Variants in ARHGAP31 observed in about 807,000 individuals in gnomAD.
ARHGAP31 encodes rho GTPase-activating protein 31.
ARHGAP31 carries 34 observed loss-of-function variants against 113.9 expected under a neutral mutation model. The ratio of observed to expected loss-of-function variants is 0.30; its 90% confidence interval spans 0.23 to 0.40. ARHGAP31 has a LOEUF of 0.40. Among genes scored for constraint, ARHGAP31 ranks in the 10% least tolerant of loss-of-function variants. The probability of loss-of-function intolerance (pLI) is 1.00; values close to 1 mark genes in which losing one functional copy is unlikely to be tolerated. For missense variants in ARHGAP31, 1,548 were observed against 1,767.1 expected (o/e 0.88, Z 2.22); for synonymous variants, 650 against 684.8 (o/e 0.95, Z 0.79).
intron 2 of ARHGAP31, among the ~76,000 whole-genome samples, chr3:119,365,622 A>G (rs2080247045): frequency 6.6e-6 from 1 of 152,256 alleles, no homozygotes; most frequent in Non-Finnish European, 1.5e-5. Context: ...ATTCTTTCCA[A>G]CAAAAGCTCC....
At chr3:119,304,622 G>A (rs999425751) in intron 1 of ARHGAP31, among the ~76,000 whole-genome samples, 20 of 152,166 alleles carry the variant, frequency 1.3e-4, no homozygotes, top group African/African-American at 4.3e-4. Flanking sequence ...GCTGCAGGGG[G>A]AGTGAACCTA....
intron 1 of ARHGAP31, among the ~76,000 whole-genome samples, chr3:119,361,002 GCTTT>G: frequency 6.6e-6 from 1 of 152,246 alleles, no homozygotes; most frequent in East Asian, 1.9e-4. Flanking sequence ...GACAATAGAA[GCTTT>G]CTTTCTGTCT....
chr3:119,302,727 A>T (rs2079595287), intron 1 of ARHGAP31, among the ~76,000 whole-genome samples: 1 of 152,202 alleles, frequency 6.6e-6, no homozygotes, highest in Non-Finnish European at 1.5e-5. Context: ...GATCTGTATG[A>T]CTCCTAAGGC....
At chr3:119,410,765 A>T (rs1250270922) in intron 11 of ARHGAP31, among the ~76,000 whole-genome samples, 1 of 152,248 alleles carries the variant, frequency 6.6e-6, no homozygotes, top group Non-Finnish European at 1.5e-5. Flanking sequence ...TTTAACATGA[A>T]CTTTGTGCCA....
chr3:119,307,940 C>CAAAAAAAAAAAAAAAAAA lies in ARHGAP31; in HGVS notation c.100+12939_100+12956dup, dbSNP rs71156742. Among the ~76,000 whole-genome samples the CAAAAAAAAAAAAAAAAAA allele has an allele frequency of 7.0e-4, 32 of 45,462 alleles. 10 individuals carry two copies. The highest frequency in any genetic ancestry group is 9.1e-4 in the African/African-American group (11 of 12,128). The allele number at this position is 45,462 out of a possible 152,430, so 29.8% of individuals were successfully genotyped here. ...AGTGAATCCAAGTATGAATTAACAG[C>CAAAAAAAAAAAAAAAAAA]AAAAAAAAAAAAAAAAAAAAGCTCA... On this transcript the variant is annotated intron_variant, in intron 1 of 11. Coordinates refer to ENST00000264245, the MANE Select transcript of ARHGAP31 (RefSeq NM_020754.4).
chr3:119,325,666 A>C (rs2079834855), intron 1 of ARHGAP31, among the ~76,000 whole-genome samples: 2 of 86,864 alleles, frequency 2.3e-5, no homozygotes, highest in African/African-American at 4.6e-5. Context: ...GTTGGGGGGG[A>C]AGGGGGGGAC....
chr3:119,337,400 T>C (rs2107610750), intron 1 of ARHGAP31, among the ~76,000 whole-genome samples: 1 of 152,248 alleles, frequency 6.6e-6, no homozygotes, highest in South Asian at 2.1e-4. Context: ...CTGCAGACCT[T>C]TGTGGTGAGT....
chr3:119,410,365 A>G (rs1451854247), intron 11 of ARHGAP31, among the ~76,000 whole-genome samples: 1 of 152,196 alleles, frequency 6.6e-6, no homozygotes, highest in Non-Finnish European at 1.5e-5. Context: ...GAGGTTTTCC[A>G]GGGATACCCA....
chr3:119,343,483 G>A (rs1409601033), intron 1 of ARHGAP31, among the ~76,000 whole-genome samples: 1 of 152,218 alleles, frequency 6.6e-6, no homozygotes, highest in Admixed American at 6.5e-5. Context: ...GGAGCCAGGG[G>A]AGGTGGTACT....
rs2080796729 is a variant in ARHGAP31, at chr3:119,418,461, A to T, written c.*2197A>T. The T allele has an allele frequency of 6.6e-6, 1 of 152,226 alleles. No homozygotes were observed. Among genetic ancestry groups the T allele is most frequent in the African/African-American group, 2.4e-5 (1 of 41,456 alleles). 9.4% of individuals were successfully genotyped at this position (152,226 alleles called of 1,614,324 possible). On this transcript the variant is annotated 3_prime_UTR_variant, in exon 12 of 12. Coordinates refer to ENST00000264245, the MANE Select transcript of ARHGAP31 (RefSeq NM_020754.4). Reference sequence around the variant, plus strand: ...CGGTGTCGACGCTCTGATAAGGACCATGTTCCAGTTAGAATGCGAGGGAGG... The same window carrying T: ...CGGTGTCGACGCTCTGATAAGGACCTTGTTCCAGTTAGAATGCGAGGGAGG...
rs1298570707 is a variant in ARHGAP31 at position 119,416,102 on chromosome 3, G to C, written c.4173G>C (p.Glu1391Asp). The change falls in exon 12 of 12, where the codon GAG becomes GAC. Residue 1391 changes from glutamate (E) to aspartate (D), a missense_variant. Glu to Asp is a conservative substitution (Grantham distance 45). Coordinates refer to ENST00000264245, the MANE Select transcript of ARHGAP31 (RefSeq NM_020754.4). ...TTTCCCCTGGCCTTCTTTGTGGAGAGTTGGCAGAAAACACATGGGTCACAC... is the reference window on the plus strand; with the variant it reads ...TTTCCCCTGGCCTTCTTTGTGGAGACTTGGCAGAAAACACATGGGTCACAC... ...QTVSPGLLCG[E>D]LAENTWVTPE... The C allele has an allele frequency of 6.2e-7, 1 of 1,614,190 alleles. No homozygotes were observed. The highest frequency in any genetic ancestry group is 2.2e-5 in the East Asian group (1 of 44,888).
chr3:119,342,485 C>A (rs905813066), intron 1 of ARHGAP31, among the ~76,000 whole-genome samples: 1 of 152,170 alleles, frequency 6.6e-6, no homozygotes, highest in Non-Finnish European at 1.5e-5. Flanking sequence ...CTGGGACCAA[C>A]CAGAGGCTGT....
chr3:119,333,975 T>C (rs951165738), intron 1 of ARHGAP31, among the ~76,000 whole-genome samples: 4 of 152,124 alleles, frequency 2.6e-5, no homozygotes, highest in African/African-American at 9.7e-5. Context: ...AGTCTCAGAG[T>C]CACTTATCAA....
intron 1 of ARHGAP31, among the ~76,000 whole-genome samples, chr3:119,343,818 T>C (rs2080031470): frequency 6.6e-6 from 1 of 152,224 alleles, no homozygotes; most frequent in Non-Finnish European, 1.5e-5. Context: ...GACACTCCTG[T>C]ACATCTAGAA....
intron 2 of ARHGAP31, among the ~76,000 whole-genome samples, chr3:119,367,341 T>C (rs1417501545): frequency 6.6e-6 from 1 of 152,204 alleles, no homozygotes; most frequent in Non-Finnish European, 1.5e-5. Context: ...CTCCAATTTA[T>C]CATTTTTAAG....
At chr3:119,396,835 A>G (rs1160639130) in intron 8 of ARHGAP31, among the ~76,000 whole-genome samples, 1 of 152,236 alleles carries the variant, frequency 6.6e-6, no homozygotes, top group African/African-American at 2.4e-5. Flanking sequence ...GAAATAAAGT[A>G]TAGGAAAAAA....
chr3:119,338,142 T>C (rs569883475), intron 1 of ARHGAP31, among the ~76,000 whole-genome samples: 11 of 152,210 alleles, frequency 7.2e-5, no homozygotes, highest in Non-Finnish European at 1.3e-4. Context: ...CATGGATTGG[T>C]ACATTTTCAT....
chr3:119,382,264 T>A lies in ARHGAP31; in HGVS notation c.432-28T>A, dbSNP rs774248010. 13 of 1,605,876 alleles carry A rather than the reference T, an allele frequency of 8.1e-6. No homozygotes were observed. The South Asian group carries it at 1.2e-4, about 15-fold the overall frequency. On this transcript the variant is annotated intron_variant, in intron 4 of 11. Coordinates refer to ENST00000264245, the MANE Select transcript of ARHGAP31 (RefSeq NM_020754.4). ...GCTTCACACGGGCACTGAAGTTTCT[T>A]ACTTTGTCAAAAAACAAACCATTCT...
chr3:119,359,735 G>T (rs554108486), intron 1 of ARHGAP31, among the ~76,000 whole-genome samples: 9 of 152,108 alleles, frequency 5.9e-5, no homozygotes, highest in African/African-American at 1.2e-4. Flanking sequence ...TTGGATTCTG[G>T]GGGGGAAACG....
Sources: gnomAD v4.1 joint callset for allele counts (sites outside exome capture counted in the v4.1 genomes callset) on GRCh38, gnomAD v4.1.1 for gene constraint, MANE v1.5 for transcripts, NCBI Gene and HGNC (gene_info 2026-07-23, HGNC 2026-07-21) for gene names.